Variants in CAMTA1 observed in about 807,000 individuals in gnomAD.
CAMTA1 encodes calmodulin-binding transcription activator 1.
CAMTA1 carries 27 observed loss-of-function variants against 170.9 expected under a neutral mutation model. The ratio of observed to expected loss-of-function variants is 0.16; its 90% CI spans 0.12 to 0.22. The LOEUF (loss-of-function observed/expected upper bound fraction) is 0.22. Among genes scored for constraint, CAMTA1 ranks in the 10% least tolerant of loss-of-function variants. CAMTA1 has a pLI of 1.00. For missense variants in CAMTA1, 1,619 were observed against 2,217.2 expected (o/e 0.73, Z 5.42); for synonymous variants, 833 against 891.5 (o/e 0.93, Z 1.17).
intron 11 of CAMTA1, among the ~76,000 whole-genome samples, chr1:7,723,406 G>T (rs1360572963): frequency 1.3e-5 from 2 of 152,164 alleles, no homozygotes; most frequent in Non-Finnish European, 2.9e-5. Flanking sequence ...ATGTACAGGA[G>T]TCCATACTGA....
chr1:6,868,377 C>G (rs895237348), intron 3 of CAMTA1, among the ~76,000 whole-genome samples: 3 of 148,762 alleles, frequency 2.0e-5, no homozygotes, highest in Admixed American at 2.0e-4. Flanking sequence ...GGTTAAAAAA[C>G]GACTGTATAG....
chr1:7,421,302 G>A (rs1170219828), intron 5 of CAMTA1, among the ~76,000 whole-genome samples: 15 of 152,038 alleles, frequency 9.9e-5, no homozygotes, highest in Non-Finnish European at 1.5e-4. Flanking sequence ...ACAGGCGCCC[G>A]CCACCACACC....
intron 6 of CAMTA1, among the ~76,000 whole-genome samples, chr1:7,638,634 C>T (rs1291845794): frequency 6.6e-6 from 1 of 151,718 alleles, no homozygotes; most frequent in Admixed American, 6.5e-5. Context: ...ACAGCAAGAC[C>T]CTGTCTAAAG....
intron 3 of CAMTA1, among the ~76,000 whole-genome samples, chr1:7,003,816 A>T (rs929752908): frequency 6.6e-6 from 1 of 152,230 alleles, no homozygotes; most frequent in African/African-American, 2.4e-5. Context: ...CTCCAAGTTT[A>T]CGGAAGTATC....
At chr1:7,410,484 G>C (rs2090635981) in intron 5 of CAMTA1, among the ~76,000 whole-genome samples, 1 of 152,226 alleles carries the variant, frequency 6.6e-6, no homozygotes, top group Non-Finnish European at 1.5e-5. Context: ...GAACAGGCCA[G>C]ACCACAATTC....
Position 7,044,614 on chromosome 1 carries a change from C to T in CAMTA1, c.235-46690C>T, listed in dbSNP as rs969013291. 3.3e-5 allele frequency among the ~76,000 whole-genome samples: 5 copies of T among 152,180 alleles called. No homozygotes were observed. Among genetic ancestry groups the T allele is most frequent in the African/African-American group, 7.2e-5 (3 of 41,434 alleles). ...TCTGTGGTGGCGCTGAAACAGGAGACGTCCTCTCCGACCTTGGAGACCTGG... is the reference window on the plus strand; with the variant it reads ...TCTGTGGTGGCGCTGAAACAGGAGATGTCCTCTCCGACCTTGGAGACCTGG... On this transcript the variant is annotated intron_variant, in intron 3 of 22. Coordinates refer to ENST00000303635, the MANE Select transcript of CAMTA1 (RefSeq NM_015215.4). The surrounding 1 kb of genome is among the most constrained non-coding windows in gnomAD (Gnocchi z 5.0).
At chr1:7,471,192 GCTCT>G (rs2093324116) in intron 6 of CAMTA1, among the ~76,000 whole-genome samples, 1 of 152,188 alleles carries the variant, frequency 6.6e-6, no homozygotes, top group South Asian at 2.1e-4. Flanking sequence ...TGTCTTTCAG[GCTCT>G]CTGTCTCTCT....
chr1:7,467,963 C>A, intron 6 of CAMTA1, 62 bp downstream of exon 6: 1 of 1,400,224 alleles, frequency 7.1e-7, no homozygotes, highest in South Asian at 1.2e-5. Context: ...CTGTGGAGGG[C>A]ACTGAGGGCG....
intron 4 of CAMTA1, among the ~76,000 whole-genome samples, chr1:7,180,313 A>T (rs6693547): frequency 0.02 from 3,040 of 151,654 alleles, 50 homozygotes; most frequent in Middle Eastern, 0.054. Context: ...AGCTGAGATC[A>T]CACCATTGCA....
At chr1:7,658,755 GTTTA>G (rs1302293686) in intron 7 of CAMTA1, among the ~76,000 whole-genome samples, 1 of 152,206 alleles carries the variant, frequency 6.6e-6, no homozygotes, top group East Asian at 1.9e-4. Context: ...CTTGGTAGAG[GTTTA>G]TTTAAGAAAA....
chr1:6,912,970 G>C (rs1680033900), intron 3 of CAMTA1, among the ~76,000 whole-genome samples: 1 of 152,220 alleles, frequency 6.6e-6, no homozygotes, highest in South Asian at 2.1e-4. Flanking sequence ...CGCCCAGCGT[G>C]GAGTTATTGC....
At chr1:7,451,140 T>A (rs1362418457) in intron 5 of CAMTA1, among the ~76,000 whole-genome samples, 1 of 152,170 alleles carries the variant, frequency 6.6e-6, no homozygotes, top group African/African-American at 2.4e-5. Context: ...CCTGGTCCCA[T>A]TAAAGCACTG....
intron 5 of CAMTA1, among the ~76,000 whole-genome samples, chr1:7,331,714 A>G (rs1213684139): frequency 6.6e-6 from 1 of 152,188 alleles, no homozygotes; most frequent in Non-Finnish European, 1.5e-5. Flanking sequence ...GTGCTCAGCA[A>G]GACAGGTAAC....
At position 7,578,567 on chromosome 1, in the gene CAMTA1, G is replaced by A. The variant is rs540256314; in HGVS notation, c.511-61833G>A. Among the ~76,000 whole-genome samples, 225 of 152,354 alleles carry A rather than the reference G, an allele frequency of 1.5e-3. 2 individuals carry two copies. Among genetic ancestry groups the A allele is most frequent in the Middle Eastern group, 6.8e-3 (2 of 294 alleles). On this transcript the variant is annotated intron_variant, in intron 6 of 22. Coordinates refer to ENST00000303635, the MANE Select transcript of CAMTA1 (RefSeq NM_015215.4). ...GTGCATCCAAGCGGCTCCCATATCC[G>A]TGGCAATGGATGGCCGTGCCCTGTG...
chr1:7,187,938 C>G (rs1236937353), intron 4 of CAMTA1, among the ~76,000 whole-genome samples: 1 of 152,154 alleles, frequency 6.6e-6, no homozygotes, highest in East Asian at 1.9e-4. Context: ...ATACCCAAGA[C>G]TGGGTAATTT....
chr1:6,839,742 C>T (rs1049419588), intron 3 of CAMTA1, among the ~76,000 whole-genome samples: 1 of 152,022 alleles, frequency 6.6e-6, no homozygotes, highest in African/African-American at 2.4e-5. Context: ...GAGGAATATT[C>T]TAGGCAAAGG....
At chr1:7,448,886 T>G (rs529704549) in intron 5 of CAMTA1, among the ~76,000 whole-genome samples, 2 of 152,358 alleles carry the variant, frequency 1.3e-5, no homozygotes, top group African/African-American at 4.8e-5. Context: ...CAGGCCCCTC[T>G]GTGGGCGCCC....
chr1:7,540,969 A>G (rs2094603580), intron 6 of CAMTA1, among the ~76,000 whole-genome samples: 2 of 152,194 alleles, frequency 1.3e-5, no homozygotes, highest in Admixed American at 6.5e-5. Flanking sequence ...CAAGTTGCTT[A>G]CAACCTGCCC....
rs1057278971 is a variant in CAMTA1 at position 6,886,772 on chromosome 1, C to T, written c.234+61562C>T. Among the ~76,000 whole-genome samples, 3 of 152,344 alleles carry T rather than the reference C, an allele frequency of 2.0e-5. No homozygotes were observed. The East Asian group carries it at 5.8e-4, about 29-fold the overall frequency. The stretch of plus-strand genomic sequence containing the variant: ...GGAGTGTTTTATCTACAGCCACTCC[C>T]TTTTTGACCCTTCCCCCAAAATAGT... On this transcript the variant is annotated intron_variant, in intron 3 of 22. Coordinates refer to ENST00000303635, the MANE Select transcript of CAMTA1 (RefSeq NM_015215.4).
Sources: gnomAD v4.1 joint callset for allele counts (sites outside exome capture counted in the v4.1 genomes callset) on GRCh38, gnomAD v4.1.1 for gene constraint, Gnocchi (gnomAD v3.1) non-coding constraint, MANE v1.5 for transcripts, NCBI Gene and HGNC (gene_info 2026-07-23, HGNC 2026-07-21) for gene names.